The following CNTNAP2 variants were observed in gnomAD, a reference collection of about 807,000 sequenced individuals.
CNTNAP2 encodes the protein contactin-associated protein-like 2.
CNTNAP2 carries 98 observed loss-of-function variants against 155.2 expected under a neutral mutation model. That is an observed-to-expected ratio of 0.63 (90% CI 0.54 to 0.75). The LOEUF (loss-of-function observed/expected upper bound fraction) is 0.75. CNTNAP2 is among the 30% of genes least tolerant of loss of function. The probability of loss-of-function intolerance (pLI) is 0.00; values close to 1 mark genes in which losing one functional copy is unlikely to be tolerated. For missense variants in CNTNAP2, 1,727 were observed against 1,688.1 expected (o/e 1.02, Z -0.40); for synonymous variants, 651 against 631.2 (o/e 1.03, Z -0.47).
intron 20 of CNTNAP2, among the ~76,000 whole-genome samples, chr7:148,256,129 G>A (rs1796449486): frequency 6.6e-6 from 1 of 152,138 alleles, no homozygotes; most frequent in African/African-American, 2.4e-5. Context: ...TATACGGTCT[G>A]GATCTCAAAA....
intron 16 of CNTNAP2, among the ~76,000 whole-genome samples, chr7:148,131,960 G>A (rs960254944): frequency 6.6e-6 from 1 of 152,056 alleles, no homozygotes; most frequent in Non-Finnish European, 1.5e-5. Context: ...GTCTCAAAAG[G>A]CCAAAGACAA....
chr7:147,522,561 T>A lies in CNTNAP2; in HGVS notation c.1777+36520T>A, dbSNP rs545375780. The stretch of plus-strand genomic sequence containing the variant: ...AAAAAAAAATTTCAAGGGAGCATAT[T>A]AGAATTAAGCAGTAAAATGGTAGAA... On this transcript the variant is annotated intron_variant, in intron 11 of 23. Transcript: ENST00000361727. Among the ~76,000 whole-genome samples, 229 of 152,176 alleles carry A rather than the reference T, an allele frequency of 1.5e-3. 2 individuals are homozygous for A. The highest frequency in any genetic ancestry group is 5.0e-3 in the African/African-American group (209 of 41,544).
chr7:146,323,423 G>A (rs1034860372), intron 1 of CNTNAP2, among the ~76,000 whole-genome samples: 1 of 151,714 alleles, frequency 6.6e-6, no homozygotes, highest in African/African-American at 2.4e-5. Context: ...ACCAAACAGA[G>A]GCTACAGTAC....
intron 2 of CNTNAP2, among the ~76,000 whole-genome samples, chr7:146,825,858 C>A (rs1309480204): frequency 1.3e-5 from 2 of 152,038 alleles, no homozygotes; most frequent in Non-Finnish European, 2.9e-5. Context: ...TCATTGAATG[C>A]AACATTGTAT....
At chr7:147,206,394 A>G (rs1436332585) in intron 8 of CNTNAP2, among the ~76,000 whole-genome samples, 3 of 151,862 alleles carry the variant, frequency 2.0e-5, no homozygotes, top group South Asian at 2.1e-4. Context: ...GTGAAACCCA[A>G]TCTACTAAAA....
chr7:148,217,946 G>A (rs982965209), intron 19 of CNTNAP2, among the ~76,000 whole-genome samples: 4 of 152,180 alleles, frequency 2.6e-5, no homozygotes, highest in African/African-American at 4.8e-5. Context: ...CCAATATGGC[G>A]AAACCCCATC....
At chr7:147,763,021 G>T (rs1229565563) in intron 13 of CNTNAP2, among the ~76,000 whole-genome samples, 1 of 152,054 alleles carries the variant, frequency 6.6e-6, no homozygotes, top group African/African-American at 2.4e-5. Flanking sequence ...CATTTTGGGA[G>T]GCCAATGTGA....
intron 1 of CNTNAP2, among the ~76,000 whole-genome samples, chr7:146,773,085 A>G (rs1028060047): frequency 6.6e-6 from 1 of 152,158 alleles, no homozygotes; most frequent in Non-Finnish European, 1.5e-5. Flanking sequence ...CATTTCCCAG[A>G]GACCCAGAGA....
intron 13 of CNTNAP2, among the ~76,000 whole-genome samples, chr7:147,675,069 C>G (rs1309924572): frequency 1.3e-5 from 2 of 151,982 alleles, no homozygotes; most frequent in African/African-American, 2.4e-5. Flanking sequence ...AGTTTGATAT[C>G]AAGGTATTCA....
At position 147,552,468 on chromosome 7, in the gene CNTNAP2, T is replaced by G. The variant is rs140236091; in HGVS notation, c.1778-9670T>G. Among the ~76,000 whole-genome samples the G allele has an allele frequency of 3.6e-3, 547 of 152,180 alleles. 6 individuals are homozygous for G. Among genetic ancestry groups the G allele is most frequent in the African/African-American group, 0.012 (512 of 41,532 alleles). ...AATGACTAAAGTTTGCATTTAGAATTAACACTTTTTAATTTAAAAATCTGA... is the reference window on the plus strand; with the variant it reads ...AATGACTAAAGTTTGCATTTAGAATGAACACTTTTTAATTTAAAAATCTGA... On this transcript the variant is annotated intron_variant, in intron 11 of 23. Transcript: ENST00000361727.
At chr7:147,496,194 G>GTA (rs71737843) in intron 11 of CNTNAP2, among the ~76,000 whole-genome samples, 28,433 of 151,948 alleles carry the variant, frequency 0.19, 3,032 homozygotes, top group East Asian at 0.33. Context: ...CAAAATAAAT[G>GTA]TATGTACTTG....
chr7:146,753,677 G>A (rs1210444948), intron 1 of CNTNAP2, among the ~76,000 whole-genome samples: 1 of 151,920 alleles, frequency 6.6e-6, no homozygotes, highest in Non-Finnish European at 1.5e-5. Context: ...AAATTATCCT[G>A]GAAAACATTG....
intron 3 of CNTNAP2, among the ~76,000 whole-genome samples, chr7:146,896,269 A>C (rs774952724): frequency 1.9e-4 from 29 of 152,154 alleles, no homozygotes; most frequent in Non-Finnish European, 4.1e-4. Context: ...CCCATTCCAA[A>C]CTTGCATACA....
intron 2 of CNTNAP2, among the ~76,000 whole-genome samples, chr7:146,821,202 T>C (rs1002547946): frequency 6.6e-6 from 1 of 152,176 alleles, no homozygotes; most frequent in Non-Finnish European, 1.5e-5. Context: ...TTTGGTCCTG[T>C]CATTATGATG....
At chr7:146,242,279 C>A (rs539381757) in intron 1 of CNTNAP2, among the ~76,000 whole-genome samples, 1 of 152,146 alleles carries the variant, frequency 6.6e-6, no homozygotes, top group Admixed American at 6.5e-5. Context: ...GTGGCTCACA[C>A]CTGTAATCCC....
In CNTNAP2 at chr7:147,580,473, A is replaced by G. The variant is rs142533161; in HGVS notation, c.1897+18216A>G. ...TTATGTTTTGACAGTCCATACTTAA[A>G]TGCTGAAATTTTTTTTAATTGGGTT... is the stretch of plus-strand genomic sequence containing the variant. On this transcript the variant is annotated intron_variant, in intron 12 of 23. Transcript: ENST00000361727. Among the ~76,000 whole-genome samples the G allele has an allele frequency of 5.3e-5, 8 of 152,310 alleles. No individual in the cohort carries two copies. The East Asian group carries it at 1.5e-3, about 29-fold the overall frequency.
intron 21 of CNTNAP2, among the ~76,000 whole-genome samples, chr7:148,303,385 C>T (rs553147585): frequency 2.0e-5 from 3 of 152,212 alleles, no homozygotes; most frequent in East Asian, 1.9e-4. Context: ...CAGGCAGAGA[C>T]GGGTAGGTGG....
chr7:146,926,044 T>C (rs978430456), intron 3 of CNTNAP2, among the ~76,000 whole-genome samples: 1 of 152,168 alleles, frequency 6.6e-6, no homozygotes, highest in African/African-American at 2.4e-5. Flanking sequence ...TTATGTTATT[T>C]ATCAAGCCTC....
chr7:147,712,249 G>C (rs1796410751), intron 13 of CNTNAP2, among the ~76,000 whole-genome samples: 1 of 152,154 alleles, frequency 6.6e-6, no homozygotes, highest in African/African-American at 2.4e-5. Context: ...GGAAACAACA[G>C]GTGCTGGAGA....
Sources: gnomAD v4.1 joint callset for allele counts (sites outside exome capture counted in the v4.1 genomes callset) on GRCh38, gnomAD v4.1.1 for gene constraint, MANE v1.5 for transcripts, NCBI Gene and HGNC (gene_info 2026-07-23, HGNC 2026-07-21) for gene names.